The following CENPF variants were observed in gnomAD, a reference collection of about 807,000 sequenced individuals.
CENPF encodes centromere protein F, also known as AH antigen.
In CENPF, 214 loss-of-function variants were observed where a neutral mutation model predicts 307.3. The ratio of observed to expected loss-of-function variants is 0.70; its 90% CI spans 0.62 to 0.78. The LOEUF is 0.78. Among genes scored for constraint, CENPF ranks in the 30% least tolerant of loss-of-function variants. CENPF has a pLI of 0.00. For missense variants in CENPF, 3,401 were observed against 3,483.9 expected, an observed-to-expected ratio of 0.98 and a Z score of 0.60; for synonymous variants, 1,259 against 1,270.6, an observed-to-expected ratio of 0.99 and a Z score of 0.19.
At position 214,651,990 on chromosome 1, in the gene CENPF, A is replaced by G. The variant is rs532856763; in HGVS notation, c.8160+104A>G. 5.1e-5 allele frequency: 48 copies of G among 937,014 alleles called. No individual in the cohort carries two copies. The African/African-American group carries it at 7.5e-4, about 15-fold the overall frequency. 58.0% of individuals were successfully genotyped at this position (937,014 alleles called of 1,614,324 possible). A position where few individuals can be genotyped will look rare whatever the true frequency, so the allele number is the denominator to read the frequency against. ...AAAATCAATATTCTGGGTTATTACT[A>G]TGCTATATAATCTTTTAAAAGGTCT... On this transcript the variant is annotated intron_variant, in intron 15 of 19. Transcript: ENST00000366955.
chr1:214,613,075 T>C, intron 1 of CENPF: 1 of 336,076 alleles, frequency 3.0e-6, no homozygotes, highest in Non-Finnish European at 5.6e-6. Flanking sequence ...TCTGCCATTT[T>C]GCTAGCACTG....
rs1011939773 is a variant in CENPF, at chr1:214,629,174, A to G, written c.1194+3A>G. Reference sequence around the variant, plus strand: ...AAAAAGAAAAGGAGTTTCAAGAGGTAAGGTAAATGGATTCATGAGGTGTTT... The same window carrying G: ...AAAAAGAAAAGGAGTTTCAAGAGGTGAGGTAAATGGATTCATGAGGTGTTT... On this transcript the variant is annotated splice_donor_region_variant and intron_variant, in intron 8 of 19. Transcript: ENST00000366955. The G allele has an allele frequency of 2.5e-6, 4 of 1,604,136 alleles. No individual in the cohort carries two copies. The highest frequency in any genetic ancestry group is 2.7e-5 in the African/African-American group (2 of 74,028).
intron 1 of CENPF, among the ~76,000 whole-genome samples, chr1:214,608,047 C>T (rs1205683794): frequency 1.3e-5 from 2 of 152,238 alleles, no homozygotes; most frequent in African/African-American, 4.8e-5. Flanking sequence ...CAAGCTCAGC[C>T]CCTTCCCGTC....
chr1:214,616,887 TTCTTTCTTTC>T (rs1657364734), intron 3 of CENPF, among the ~76,000 whole-genome samples: 1 of 120,500 alleles, frequency 8.3e-6, no homozygotes, highest in African/African-American at 3.3e-5. Context: ...CTTTCTTTCT[TTCTTTCTTTC>T]TTTCTTTCTT....
At chr1:214,605,955 T>C in intron 1 of CENPF, 1 of 1,597,302 alleles carries the variant, frequency 6.3e-7, no homozygotes, top group Non-Finnish European at 8.5e-7. Context: ...GCGACGCGCA[T>C]GCCCGAGGTG....
intron 10 of CENPF, among the ~76,000 whole-genome samples, chr1:214,635,077 A>G (rs1446332324): frequency 1.3e-5 from 2 of 152,160 alleles, no homozygotes; most frequent in African/African-American, 2.4e-5. Flanking sequence ...ATAAAATACC[A>G]TCGTTTGACA....
Position 214,641,383 on chromosome 1 carries a change from T to G in CENPF, c.3045T>G (p.Ser1015=). ...GGGAGAAAAGCATTTCAGAGTTATC[T>G]GATCAGTACAAGCAAGAAAAACTTA... ...DEREKSISEL[S]DQYKQEKLIL... The change falls in exon 12 of 20, where the codon TCT becomes TCG. Residue 1015 remains serine (S), a synonymous_variant. Coordinates refer to ENST00000366955, the MANE Select transcript of CENPF (RefSeq NM_016343.4). 6.2e-7 allele frequency: 1 copy of G among 1,604,996 alleles called. No individual in the cohort carries two copies. The highest frequency in any genetic ancestry group is 2.2e-5 in the East Asian group (1 of 44,834).
At chr1:214,604,864 G>A (rs2136922) in intron 1 of CENPF, among the ~76,000 whole-genome samples, 4,222 of 152,180 alleles carry the variant, frequency 0.028, 201 homozygotes, top group African/African-American at 0.096. Flanking sequence ...AACAAAACTG[G>A]TAGCAAAACA....
intron 3 of CENPF, 166 bp downstream of exon 3, chr1:214,615,194 AAAAC>A (rs533746733): frequency 2.3e-4 from 111 of 479,666 alleles, no homozygotes; most frequent in Non-Finnish European, 3.6e-4. Flanking sequence ...TGGAAGATTA[AAAAC>A]AAACAAACAG....
rs530689212 is a variant in CENPF at position 214,616,189 on chromosome 1, T to C, written c.359+1161T>C. ...TTTGATGATGGTGTTTGTGTTTTTCTTCTTAGGGGGAAGAAGAAAAAATGG... is the reference window on the plus strand; with the variant it reads ...TTTGATGATGGTGTTTGTGTTTTTCCTCTTAGGGGGAAGAAGAAAAAATGG... On this transcript the variant is annotated intron_variant, in intron 3 of 19. Transcript: ENST00000366955. Among the ~76,000 whole-genome samples the C allele has an allele frequency of 2.6e-5, 4 of 152,260 alleles. No individual in the cohort carries two copies. In the South Asian group the frequency reaches 8.3e-4, roughly 32 times the overall value.
chr1:214,645,014 A>G lies in CENPF; in HGVS notation c.5444A>G (p.Glu1815Gly), dbSNP rs765711616. Residue 1815 changes from glutamate (E) to glycine (G), a missense_variant, in exon 13 of 20, where the codon GAG (glutamate) becomes GGG (glycine). Coordinates refer to ENST00000366955, the MANE Select transcript of CENPF (RefSeq NM_016343.4). Reference sequence around the variant, plus strand: ...TTAGACTCAAAACTCCATTTACAGGAGGTACAACTAATGACCAAAATTGAA... The same window carrying G: ...TTAGACTCAAAACTCCATTTACAGGGGGTACAACTAATGACCAAAATTGAA... Reference protein sequence around the residue: ...KELDSKLHLQEVQLMTKIEAC... With the variant: ...KELDSKLHLQGVQLMTKIEAC... 1.9e-6 allele frequency: 3 copies of G among 1,613,818 alleles called. No individual in the cohort carries two copies. The highest frequency in any genetic ancestry group is 2.5e-6 in the Non-Finnish European group (3 of 1,179,936).
chr1:214,637,844 C>T, intron 10 of CENPF, 22 bp from the exon 11 acceptor site: 1 of 1,598,080 alleles, frequency 6.3e-7, no homozygotes, highest in Non-Finnish European at 8.5e-7. Flanking sequence ...TTGGCTATAA[C>T]CAATTAAAAT....
intron 3 of CENPF, among the ~76,000 whole-genome samples, chr1:214,618,298 A>G (rs1657413322): frequency 6.6e-6 from 1 of 152,198 alleles, no homozygotes; most frequent in Non-Finnish European, 1.5e-5. Flanking sequence ...AGTGGTTATT[A>G]TAGATCTTCC....
intron 14 of CENPF, among the ~76,000 whole-genome samples, chr1:214,649,295 C>T (rs956647513): frequency 1.3e-5 from 2 of 152,354 alleles, no homozygotes; most frequent in East Asian, 3.9e-4. Context: ...TGGGCTGCCA[C>T]TGCCCACTGC....
In CENPF at chr1:214,651,776, G is replaced by A; in HGVS notation, c.8050G>A (p.Asp2684Asn). The A allele has an allele frequency of 6.2e-7, 1 of 1,613,502 alleles. No individual in the cohort carries two copies. Among genetic ancestry groups the A allele is most frequent in the Non-Finnish European group, 8.5e-7 (1 of 1,179,754 alleles). Residue 2684 changes from aspartate to asparagine, a missense_variant, in exon 15 of 20, where the codon GAC (aspartate) becomes AAC (asparagine). Transcript: ENST00000366955. ...LKKSLDCMHK[D>N]QVEKEGKVRE... is the part of the protein sequence containing the mutation. ...GAAGAGCCTAGATTGCATGCACAAA[G>A]ACCAGGTGGAAAAGGAAGGGAAAGT...
chr1:214,658,052 C>G (rs1386630753), intron 18 of CENPF, among the ~76,000 whole-genome samples: 1 of 152,186 alleles, frequency 6.6e-6, no homozygotes, highest in Non-Finnish European at 1.5e-5. Flanking sequence ...GGAAATTCTT[C>G]GAACCCCCTC....
chr1:214,604,037 A>G (rs975350216), intron 1 of CENPF, among the ~76,000 whole-genome samples: 4 of 152,058 alleles, frequency 2.6e-5, no homozygotes, highest in Admixed American at 6.5e-5. Flanking sequence ...AATAAAAGGC[A>G]TGGGTCGTGT....
At chr1:214,637,809 G>T (rs930033328) in intron 10 of CENPF, 57 bp from the exon 11 acceptor site, 4 of 1,561,666 alleles carry the variant, frequency 2.6e-6, no homozygotes, top group Admixed American at 2.1e-5. Flanking sequence ...TAAGGCAGAA[G>T]TCATAACTTA....
At position 214,625,760 on chromosome 1, in the gene CENPF, A is replaced by G. The variant is rs7516961; in HGVS notation, c.1069-3286A>G. Among the ~76,000 whole-genome samples, 691 of 152,084 alleles carry G rather than the reference A, an allele frequency of 4.5e-3. 4 individuals carry two copies. The highest frequency in any genetic ancestry group is 0.016 in the African/African-American group (663 of 41,462). ...GTAGAGCTTCTAGTGATTGTTCTAGATATTACATTATTTATACACATTTTA... is the reference window on the plus strand; with the variant it reads ...GTAGAGCTTCTAGTGATTGTTCTAGGTATTACATTATTTATACACATTTTA... On this transcript the variant is annotated intron_variant, in intron 7 of 19. Transcript: ENST00000366955.
Sources: allele counts gnomAD v4.1 joint callset (sites outside exome capture counted in the v4.1 genomes callset), GRCh38; gene constraint gnomAD v4.1.1; transcripts MANE v1.5; gene names NCBI Gene and HGNC (gene_info 2026-07-23, HGNC 2026-07-21).